Variants in RASGRF1 observed in about 807,000 individuals in gnomAD.
RASGRF1 encodes the protein Ras protein specific guanine nucleotide releasing factor 1.
RASGRF1 carries 40 observed loss-of-function variants against 138.7 expected under a neutral mutation model. The observed-to-expected ratio is 0.29, with a 90% confidence interval of 0.22 to 0.38. The LOEUF is 0.38. RASGRF1 is among the 10% of genes least tolerant of loss of function. RASGRF1 has a pLI of 1.00. For missense variants in RASGRF1, 1,108 were observed against 1,650.4 expected, an observed-to-expected ratio of 0.67 and a Z score of 5.69; for synonymous variants, 614 against 663.2, an observed-to-expected ratio of 0.93 and a Z score of 1.14.
At chr15:78,977,740 T>TC (rs1310537275) in intron 24 of RASGRF1, among the ~76,000 whole-genome samples, 1 of 152,136 alleles carries the variant, frequency 6.6e-6, no homozygotes, top group African/African-American at 2.4e-5. Context: ...TAACAGCCTG[T>TC]CCCCCGTGTT....
chr15:78,982,143 G>A (rs1326823534), intron 23 of RASGRF1, among the ~76,000 whole-genome samples: 2 of 152,170 alleles, frequency 1.3e-5, no homozygotes, highest in African/African-American at 4.8e-5. Context: ...AAATGGGAGG[G>A]TAAGTCCAGG....
At chr15:79,056,410 G>A (rs2057511855) in intron 3 of RASGRF1, among the ~76,000 whole-genome samples, 1 of 152,186 alleles carries the variant, frequency 6.6e-6, no homozygotes, top group African/African-American at 2.4e-5. Context: ...ATCCCAGAAT[G>A]AACTGGGTGG....
chr15:79,054,386 A>G (rs1025549831), intron 3 of RASGRF1, among the ~76,000 whole-genome samples: 2 of 152,314 alleles, frequency 1.3e-5, no homozygotes, highest in South Asian at 2.1e-4. Context: ...ATTCTGTTAC[A>G]TACAACAGCC....
At chr15:79,024,496 T>C (rs1189357290) in intron 10 of RASGRF1, among the ~76,000 whole-genome samples, 4 of 151,944 alleles carry the variant, frequency 2.6e-5, no homozygotes, top group African/African-American at 9.7e-5. Context: ...TTTGGCTGTG[T>C]CCCCACCCAA....
At chr15:79,042,871 T>C (rs1595932188) in intron 5 of RASGRF1, among the ~76,000 whole-genome samples, 1 of 152,234 alleles carries the variant, frequency 6.6e-6, no homozygotes, top group South Asian at 2.1e-4. Context: ...GGGGGCTGTT[T>C]TAAGGTCACA....
At chr15:78,982,581 G>A (rs1595867443) in intron 23 of RASGRF1, among the ~76,000 whole-genome samples, 1 of 152,110 alleles carries the variant, frequency 6.6e-6, no homozygotes, top group South Asian at 2.1e-4. Flanking sequence ...ACACCAGCAG[G>A]CAGAAATGGG....
intron 5 of RASGRF1, among the ~76,000 whole-genome samples, chr15:79,042,296 G>T (rs1016709866): frequency 9.9e-5 from 15 of 152,188 alleles, no homozygotes; most frequent in South Asian, 4.1e-4. Flanking sequence ...GTATATTTCA[G>T]CCTAAAAGCA....
chr15:79,004,311 G>A, intron 14 of RASGRF1, 136 bp from the exon 15 acceptor site: 1 of 1,148,354 alleles, frequency 8.7e-7, no homozygotes. Flanking sequence ...ACCCATACTT[G>A]AGCTGATCCT....
chr15:79,013,239 C>T (rs182796138), intron 13 of RASGRF1, among the ~76,000 whole-genome samples: 44 of 152,274 alleles, frequency 2.9e-4, no homozygotes, highest in African/African-American at 9.9e-4. Context: ...GGGCTGGGGA[C>T]GAGGGTCACA....
Position 79,032,003 on chromosome 15 carries a change from C to T in RASGRF1, c.1152+120G>A. 8.0e-7 allele frequency: 1 copy of T among 1,253,986 alleles called. No homozygotes were observed. Among genetic ancestry groups the T allele is most frequent in the Non-Finnish European group, 1.1e-6 (1 of 916,090 alleles). 77.7% of individuals were successfully genotyped at this position (1,253,986 alleles called of 1,614,324 possible). ...GTCGGCTGCTGGCCCTGACCACCTC[C>T]CCCGCCCCCTTTGGCAGCCCAGAGC... On this transcript the variant is annotated intron_variant, in intron 7 of 26. Transcript: ENST00000558480. This position sits in a 1 kb window ranked among gnomAD's most constrained non-coding sequence, Gnocchi z 4.5.
chr15:79,067,858 A>C (rs1447723670), intron 1 of RASGRF1, among the ~76,000 whole-genome samples: 2 of 152,154 alleles, frequency 1.3e-5, no homozygotes, highest in Non-Finnish European at 1.5e-5. Context: ...GAGACAGAGT[A>C]TAATCCACTG....
At chr15:79,041,740 G>A (rs1029046280) in intron 5 of RASGRF1, among the ~76,000 whole-genome samples, 1 of 152,184 alleles carries the variant, frequency 6.6e-6, no homozygotes, top group Non-Finnish European at 1.5e-5. Context: ...CTGGGCAGGA[G>A]CAGGACAGAA....
In RASGRF1 at chr15:79,027,716, G is replaced by A. The variant is rs1042344204; in HGVS notation, c.1381+25C>T. 7 of 1,609,332 alleles carry A rather than the reference G, an allele frequency of 4.3e-6. No homozygotes were observed. On this transcript the variant is annotated intron_variant, in intron 9 of 26. Coordinates refer to ENST00000558480, the MANE Select transcript of RASGRF1 (RefSeq NM_001145648.3). The surrounding 1 kb of genome is among the most constrained non-coding windows in gnomAD (Gnocchi z 4.8). ...GCTGGGGCCCACCTGGTGGGGGCAGGGGAGACAGGGTGCAGAGGCCATACC... is the reference window on the plus strand; with the variant it reads ...GCTGGGGCCCACCTGGTGGGGGCAGAGGAGACAGGGTGCAGAGGCCATACC...
At chr15:79,087,627 G>A (rs1319086873) in intron 1 of RASGRF1, among the ~76,000 whole-genome samples, 2 of 152,240 alleles carry the variant, frequency 1.3e-5, no homozygotes, top group Admixed American at 1.3e-4. Context: ...AGAATGGCCT[G>A]GAGTTAGACC....
chr15:79,003,292 C>T (rs545537178), intron 15 of RASGRF1, among the ~76,000 whole-genome samples: 26 of 152,344 alleles, frequency 1.7e-4, no homozygotes, highest in African/African-American at 6.0e-4. Flanking sequence ...ATGGTGTTCC[C>T]ACCCCAACCT....
intron 19 of RASGRF1, 103 bp from the exon 20 acceptor site, chr15:78,995,903 C>T (rs2056382381): frequency 1.2e-5 from 13 of 1,071,270 alleles, no homozygotes; most frequent in Non-Finnish European, 1.9e-5. Context: ...GCCCCTCTGT[C>T]CTCGTCATCC....
intron 24 of RASGRF1, among the ~76,000 whole-genome samples, chr15:78,976,536 G>A (rs1323905305): frequency 6.6e-6 from 1 of 150,384 alleles, no homozygotes; most frequent in Non-Finnish European, 1.5e-5. Flanking sequence ...CCATGAAGGA[G>A]GGGACAAGAG....
chr15:79,031,712 G>A (rs568508879), intron 7 of RASGRF1, among the ~76,000 whole-genome samples: 2 of 150,176 alleles, frequency 1.3e-5, no homozygotes, highest in South Asian at 4.3e-4. Flanking sequence ...GAGAGAGAGC[G>A]CGTGAGCATG....
At position 78,973,301 on chromosome 15, in the gene RASGRF1, A is replaced by G. The variant is rs1314271190; in HGVS notation, c.3612+2T>C. ...TCCCCTGCCTGGCTGGGGGGAACGCACCATCCTCATCTTGGAGAAGTTGAC... is the reference window on the plus strand; with the variant it reads ...TCCCCTGCCTGGCTGGGGGGAACGCGCCATCCTCATCTTGGAGAAGTTGAC... On this transcript the variant is annotated splice_donor_variant, in intron 25 of 26. Transcript: ENST00000558480. LOFTEE classifies it high-confidence loss of function. This position sits in a 1 kb window ranked among gnomAD's most constrained non-coding sequence, Gnocchi z 4.9. 1 of 1,603,536 alleles carries G rather than the reference A, an allele frequency of 6.2e-7. No homozygotes were observed.
Sources: allele counts gnomAD v4.1 joint callset (sites outside exome capture counted in the v4.1 genomes callset), GRCh38; gene constraint gnomAD v4.1.1; non-coding constraint Gnocchi (gnomAD v3.1); transcripts MANE v1.5; gene names NCBI Gene and HGNC (gene_info 2026-07-23, HGNC 2026-07-21).